Variants in EPHA4 observed in about 807,000 individuals in gnomAD.
The protein encoded by EPHA4 is ephrin type-A receptor 4.
Under a neutral mutation model 108.3 loss-of-function variants are expected in EPHA4, and 19 were observed. The observed-to-expected ratio is 0.18, with a 90% confidence interval of 0.12 to 0.26. The LOEUF (loss-of-function observed/expected upper bound fraction) is 0.26. Ranked by LOEUF, EPHA4 falls within the 10% of genes least tolerant of loss-of-function variation. EPHA4 has a pLI of 1.00. For synonymous variants in EPHA4, 449 were observed against 455.5 expected (o/e 0.99, Z 0.18); for missense variants, 917 against 1,254.0 (o/e 0.73, Z 4.06).
intron 4 of EPHA4, among the ~76,000 whole-genome samples, chr2:221,484,607 C>A (rs1691928117): frequency 6.6e-6 from 1 of 152,116 alleles, no homozygotes. Context: ...AGCATGGTAA[C>A]TGGAATATAA....
At chr2:221,463,887 TG>T (rs1691225791) in intron 5 of EPHA4, among the ~76,000 whole-genome samples, 8 of 152,044 alleles carry the variant, frequency 5.3e-5, no homozygotes, top group Admixed American at 5.2e-4. Context: ...TCACAAGCAG[TG>T]AATTAAAAAC....
intron 8 of EPHA4, among the ~76,000 whole-genome samples, chr2:221,448,712 T>C (rs16862677): frequency 0.049 from 7,513 of 152,242 alleles, 409 homozygotes; most frequent in African/African-American, 0.13. Context: ...CTAAAAGCAT[T>C]ATCTAAAATT....
intron 5 of EPHA4, among the ~76,000 whole-genome samples, chr2:221,481,804 C>G (rs1691828748): frequency 1.3e-5 from 2 of 152,154 alleles, no homozygotes; most frequent in East Asian, 1.9e-4. Flanking sequence ...AAGATCAAAA[C>G]TATTGCTGCT....
At chr2:221,517,761 C>A (rs1185160964) in intron 3 of EPHA4, among the ~76,000 whole-genome samples, 2 of 152,192 alleles carry the variant, frequency 1.3e-5, no homozygotes, top group Non-Finnish European at 2.9e-5. Flanking sequence ...GACTGGGACA[C>A]CACTTCCCAG....
At chr2:221,497,306 C>A (rs1415861241) in intron 4 of EPHA4, among the ~76,000 whole-genome samples, 1 of 152,156 alleles carries the variant, frequency 6.6e-6, no homozygotes, top group Admixed American at 6.5e-5. Flanking sequence ...AGGGTAAACT[C>A]TCTCTGAATA....
chr2:221,570,485 G>A (rs1694798607), intron 1 of EPHA4, among the ~76,000 whole-genome samples: 1 of 152,170 alleles, frequency 6.6e-6, no homozygotes, highest in African/African-American at 2.4e-5. Context: ...ACCGAGGGGC[G>A]GCGACGGCCG....
intron 3 of EPHA4, among the ~76,000 whole-genome samples, chr2:221,514,303 G>C (rs1692929095): frequency 6.6e-6 from 1 of 152,122 alleles, no homozygotes; most frequent in South Asian, 2.1e-4. Context: ...GAACAGAGGA[G>C]AGCAGCACAT....
chr2:221,440,421 A>G (rs183241558), intron 11 of EPHA4, among the ~76,000 whole-genome samples: 131 of 152,300 alleles, frequency 8.6e-4, no homozygotes, highest in African/African-American at 3.0e-3. Context: ...CGGACCTGCA[A>G]AAGTATTTAA....
intron 4 of EPHA4, among the ~76,000 whole-genome samples, chr2:221,487,372 G>A (rs1026480668): frequency 8.5e-5 from 13 of 152,244 alleles, no homozygotes; most frequent in Admixed American, 3.3e-4. Flanking sequence ...AACCAGCGAC[G>A]GCTGGGAATT....
intron 3 of EPHA4, among the ~76,000 whole-genome samples, chr2:221,562,242 CA>C (rs1188403757): frequency 1.4e-5 from 2 of 147,862 alleles, no homozygotes; most frequent in Non-Finnish European, 3.0e-5. Flanking sequence ...ACTGAGTCAA[CA>C]GAAAAGATAG....
intron 8 of EPHA4, among the ~76,000 whole-genome samples, chr2:221,454,546 T>G (rs972739874): frequency 3.3e-5 from 5 of 152,150 alleles, no homozygotes; most frequent in African/African-American, 1.2e-4. Flanking sequence ...CCTTTTGACA[T>G]CCCCAGGCTT....
chr2:221,568,464 C>T (rs1694733296), intron 2 of EPHA4, among the ~76,000 whole-genome samples: 1 of 152,188 alleles, frequency 6.6e-6, no homozygotes, highest in Non-Finnish European at 1.5e-5. Context: ...TTTAAATAGG[C>T]ATCTAAGTCT....
At chr2:221,519,895 T>C (rs902237261) in intron 3 of EPHA4, among the ~76,000 whole-genome samples, 3 of 151,936 alleles carry the variant, frequency 2.0e-5, no homozygotes, top group African/African-American at 7.2e-5. Context: ...TTACCTCCAA[T>C]GCAACCTAGA....
intron 10 of EPHA4, 117 bp downstream of exon 10, chr2:221,443,376 A>G: frequency 1.4e-6 from 1 of 700,504 alleles, no homozygotes; most frequent in Non-Finnish European, 2.3e-6. Context: ...AAAAAAGGAA[A>G]TTTCATGTAT....
Position 221,496,284 on chromosome 2 carries a change from T to C in EPHA4, c.979+4733A>G, listed in dbSNP as rs116798377. Among the ~76,000 whole-genome samples, 646 of 152,282 alleles carry C rather than the reference T, an allele frequency of 4.2e-3. 13 individuals are homozygous for C. The highest frequency in any genetic ancestry group is 4.5e-3 in the Non-Finnish European group (304 of 68,026). The stretch of plus-strand genomic sequence containing the variant: ...CGTTCTCTGGGTCTGCCGTCCGGTA[T>C]AGTCTCCACTAGCCATATATGGCTA... On this transcript the variant is annotated intron_variant, in intron 4 of 17. Coordinates refer to ENST00000281821, the MANE Select transcript of EPHA4 (RefSeq NM_004438.5).
intron 3 of EPHA4, among the ~76,000 whole-genome samples, chr2:221,505,322 ATTTAT>A (rs1283309036): frequency 1.3e-5 from 2 of 151,984 alleles, no homozygotes; most frequent in African/African-American, 2.4e-5. Context: ...TTTAAAATTT[ATTTAT>A]TTATTTATTT....
intron 3 of EPHA4, among the ~76,000 whole-genome samples, chr2:221,524,553 G>A (rs190273242): frequency 2.5e-4 from 38 of 152,268 alleles, no homozygotes; most frequent in Non-Finnish European, 3.8e-4. Flanking sequence ...TGGGAAAAGC[G>A]GCTGTAATTT....
chr2:221,480,946 A>G (rs1267089016), intron 5 of EPHA4, among the ~76,000 whole-genome samples: 1 of 152,264 alleles, frequency 6.6e-6, no homozygotes, highest in African/African-American at 2.4e-5. Context: ...ACATTCATTT[A>G]AAAGAAAAGT....
rs116251797 is a variant in EPHA4 at position 221,452,560 on chromosome 2, A to G, written c.1715+2987T>C. ...ATGAGCCGCTGCAAGCCTGTCAGCT[A>G]CCTGGCTCCGGGCGGCCTTTCCCAT... On this transcript the variant is annotated intron_variant, in intron 8 of 17. Coordinates refer to ENST00000281821, the MANE Select transcript of EPHA4 (RefSeq NM_004438.5). Among the ~76,000 whole-genome samples, 1,355 of 152,324 alleles carry G rather than the reference A, an allele frequency of 8.9e-3. 30 individuals are homozygous for G. Among genetic ancestry groups the G allele is most frequent in the African/African-American group, 0.031 (1,291 of 41,564 alleles).
Sources: gnomAD v4.1 joint callset for allele counts (sites outside exome capture counted in the v4.1 genomes callset) on GRCh38, gnomAD v4.1.1 for gene constraint, MANE v1.5 for transcripts, NCBI Gene and HGNC (gene_info 2026-07-23, HGNC 2026-07-21) for gene names.